ZRANB1: variants seen among roughly 807,000 people sequenced by gnomAD.
ZRANB1 encodes the protein ubiquitin thioesterase ZRANB1.
In ZRANB1, 16 loss-of-function variants were observed where a neutral mutation model predicts 80.5. The ratio of observed to expected loss-of-function variants is 0.20; its 90% CI spans 0.13 to 0.30. The LOEUF is 0.30. ZRANB1 is among the 10% of genes least tolerant of loss of function. The pLI is 1.00. For missense variants in ZRANB1, 576 were observed against 862.6 expected, an observed-to-expected ratio of 0.67 and a Z score of 4.16; for synonymous variants, 291 against 293.1, an observed-to-expected ratio of 0.99 and a Z score of 0.07.
intron 5 of ZRANB1, chr10:124,981,481 C>A: frequency 3.1e-6 from 1 of 320,146 alleles, no homozygotes; most frequent in Non-Finnish European, 5.5e-6. Flanking sequence ...ATTTGGTTGT[C>A]GGTAAATCAA....
chr10:124,942,146 C>G lies in ZRANB1; in HGVS notation c.-348C>G. ...ATGTGATGGCCTCCCTGAAATTAAA[C>G]ATTTCTATTAGTGGCTTCCCGTTAA... is the stretch of plus-strand genomic sequence containing the variant. On this transcript the variant is annotated 5_prime_UTR_variant, in exon 1 of 9. Coordinates refer to ENST00000359653, the MANE Select transcript of ZRANB1 (RefSeq NM_017580.3). The G allele has an allele frequency of 9.4e-7, 1 of 1,060,394 alleles. No individual in the cohort carries two copies. Among genetic ancestry groups the G allele is most frequent in the South Asian group, 3.4e-5 (1 of 29,644 alleles). The allele number at this position is 1,060,394 out of a possible 1,614,324, so 65.7% of individuals were successfully genotyped here. A position where few individuals can be genotyped will look rare whatever the true frequency, so the allele number is the denominator to read the frequency against.
chr10:124,957,757 C>T (rs1028535836), intron 1 of ZRANB1, among the ~76,000 whole-genome samples: 1 of 148,932 alleles, frequency 6.7e-6, no homozygotes, highest in Non-Finnish European at 1.5e-5. Flanking sequence ...GAGGAAGTTT[C>T]GCTCTGTTGC....
At chr10:124,959,141 G>A (rs57625450) in intron 1 of ZRANB1, among the ~76,000 whole-genome samples, 4,081 of 152,306 alleles carry the variant, frequency 0.027, 168 homozygotes, top group African/African-American at 0.092. Flanking sequence ...CTCAGCAGAG[G>A]AAGTACAGGG....
chr10:124,937,867 G>C (rs977977431), upstream of ZRANB1, among the ~76,000 whole-genome samples: 3 of 152,186 alleles, frequency 2.0e-5, no homozygotes, highest in Non-Finnish European at 4.4e-5. Context: ...TGGTCCACAG[G>C]ATGGGAACTG....
intron 1 of ZRANB1, among the ~76,000 whole-genome samples, chr10:124,957,757 C>G (rs1028535836): frequency 4.0e-5 from 6 of 148,932 alleles, no homozygotes; most frequent in Admixed American, 3.4e-4. Flanking sequence ...GAGGAAGTTT[C>G]GCTCTGTTGC....
chr10:124,954,067 A>G (rs1382887853), intron 1 of ZRANB1, among the ~76,000 whole-genome samples: 1 of 150,492 alleles, frequency 6.6e-6, no homozygotes, highest in Non-Finnish European at 1.5e-5. Context: ...CCCAGGCTCA[A>G]GTGATTCTCC....
chr10:124,938,721 T>C (rs896053156), upstream of ZRANB1, among the ~76,000 whole-genome samples: 5 of 149,698 alleles, frequency 3.3e-5, no homozygotes, highest in East Asian at 1.9e-4. Flanking sequence ...TTTTTTTTTT[T>C]CCTTGAGACA....
intron 1 of ZRANB1, among the ~76,000 whole-genome samples, chr10:124,947,011 C>T (rs956176850): frequency 2.0e-5 from 3 of 152,172 alleles, no homozygotes; most frequent in African/African-American, 7.2e-5. Context: ...AACCTCAGGT[C>T]AGCTTTGTAG....
chr10:124,920,658 C>A, the ZRANB1 span, among the ~76,000 whole-genome samples: 3 of 151,948 alleles, frequency 2.0e-5, no homozygotes, highest in Non-Finnish European at 4.4e-5. Flanking sequence ...AGACAATGTT[C>A]TGGGCCAAGA....
chr10:124,932,422 T>C, the ZRANB1 span, among the ~76,000 whole-genome samples: 2 of 151,922 alleles, frequency 1.3e-5, no homozygotes, highest in African/African-American at 2.4e-5. Context: ...CCCAAGTAGC[T>C]GGAACTACAG....
At chr10:124,973,121 AC>A (rs1951840720) in intron 3 of ZRANB1, among the ~76,000 whole-genome samples, 1 of 151,890 alleles carries the variant, frequency 6.6e-6, no homozygotes, top group Non-Finnish European at 1.5e-5. Context: ...ATTTAAGCTT[AC>A]CCCAGAATGA....
At chr10:124,966,256 C>T (rs1245064016) in intron 1 of ZRANB1, among the ~76,000 whole-genome samples, 1 of 151,912 alleles carries the variant, frequency 6.6e-6, no homozygotes, top group Non-Finnish European at 1.5e-5. Context: ...AGGACCGGAA[C>T]CAGGGGCTCA....
At chr10:124,973,436 C>T (rs141270495) in intron 3 of ZRANB1, among the ~76,000 whole-genome samples, 323 of 152,308 alleles carry the variant, frequency 2.1e-3, no homozygotes, top group African/African-American at 6.9e-3. Flanking sequence ...GAATTATAGG[C>T]GTGAGCCATT....
At chr10:124,917,874 C>G in the ZRANB1 span, among the ~76,000 whole-genome samples, 1 of 152,136 alleles carries the variant, frequency 6.6e-6, no homozygotes, top group Non-Finnish European at 1.5e-5. Flanking sequence ...TCTGTTTTTT[C>G]TCTGCTATGG....
chr10:124,971,517 G>A (rs1219391627), intron 2 of ZRANB1, among the ~76,000 whole-genome samples: 1 of 152,158 alleles, frequency 6.6e-6, no homozygotes, highest in East Asian at 1.9e-4. Flanking sequence ...CTTTTTTTAA[G>A]TCCAAGTTAG....
chr10:124,918,126 G>T, the ZRANB1 span, among the ~76,000 whole-genome samples: 6 of 152,174 alleles, frequency 3.9e-5, no homozygotes, highest in African/African-American at 1.4e-4. Context: ...TGGTTTCACC[G>T]TGTTTATGAT....
intron 1 of ZRANB1, among the ~76,000 whole-genome samples, chr10:124,961,827 ATT>A (rs1564961394): frequency 6.6e-6 from 1 of 152,210 alleles, no homozygotes; most frequent in Non-Finnish European, 1.5e-5. Context: ...AAATTTAAGA[ATT>A]TGTTTATAAT....
chr10:124,931,531 C>T, the ZRANB1 span, among the ~76,000 whole-genome samples: 2 of 152,034 alleles, frequency 1.3e-5, no homozygotes, highest in Non-Finnish European at 2.9e-5. Context: ...CCACGACTCC[C>T]GGCTAATTTT....
the ZRANB1 span, among the ~76,000 whole-genome samples, chr10:124,923,179 C>T: frequency 3.6e-4 from 54 of 151,708 alleles, no homozygotes; most frequent in Non-Finnish European, 5.3e-4. Context: ...CTCAGTTACT[C>T]GGGAGGCTGA....
Sources: gnomAD v4.1 joint callset for allele counts (sites outside exome capture counted in the v4.1 genomes callset) on GRCh38, gnomAD v4.1.1 for gene constraint, MANE v1.5 for transcripts, NCBI Gene and HGNC (gene_info 2026-07-23, HGNC 2026-07-21) for gene names.